The following LRRC8B variants were observed in gnomAD, a reference collection of about 807,000 sequenced individuals.
LRRC8B encodes the protein volume-regulated anion channel subunit LRRC8B.
Under a neutral mutation model 58.8 loss-of-function variants are expected in LRRC8B, and 23 were observed. The ratio of observed to expected loss-of-function variants is 0.39; its 90% confidence interval spans 0.28 to 0.55. The LOEUF is 0.55. LRRC8B is among the 20% of genes least tolerant of loss of function. The pLI, the probability that LRRC8B is intolerant of heterozygous loss-of-function variation, is 0.62. For missense variants in LRRC8B, 694 were observed against 936.0 expected (o/e 0.74, Z 3.37); for synonymous variants, 359 against 374.1 (o/e 0.96, Z 0.47).
At chr1:89,538,276 A>G in intron 1 of LRRC8B, among the ~76,000 whole-genome samples, 1 of 152,240 alleles carries the variant, frequency 6.6e-6, no homozygotes, top group Non-Finnish European at 1.5e-5. Context: ...AGAGAAAAAA[A>G]GCAAAATAAG....
chr1:89,557,358 T>C (rs1652272049), intron 1 of LRRC8B, among the ~76,000 whole-genome samples: 1 of 152,176 alleles, frequency 6.6e-6, no homozygotes, highest in East Asian at 1.9e-4. Context: ...AAAGATACCA[T>C]CCCAAGGCCA....
chr1:89,583,217 G>T lies in LRRC8B; in HGVS notation c.567G>T (p.Leu189Phe). The change falls in exon 5 of 6, where the codon TTG becomes TTT. Residue 189 changes from leucine (L) to phenylalanine (F), a missense_variant. Physicochemically the swap from Leu to Phe is conservative, Grantham distance 22. Transcript: ENST00000330947. This position sits in a 1 kb window ranked among gnomAD's most constrained non-coding sequence, Gnocchi z 5.2. ...RPLKLSKSKI[L>F]LSSSGCSADI... ...TGAAACTCTCCAAGTCCAAGATTTT[G>T]CTTTCGTCCTCAGGGTGTTCAGCTG... 6.2e-7 allele frequency: 1 copy of T among 1,614,142 alleles called. No homozygotes were observed. The highest frequency in any genetic ancestry group is 1.3e-5 in the African/African-American group (1 of 75,026).
At chr1:89,581,898 G>T (rs1654251889) in intron 4 of LRRC8B, among the ~76,000 whole-genome samples, 1 of 152,164 alleles carries the variant, frequency 6.6e-6, no homozygotes, top group African/African-American at 2.4e-5. Context: ...AGGAGATAAT[G>T]CATTCAGTGA....
intron 3 of LRRC8B, chr1:89,572,691 G>T (rs1423027937): frequency 6.6e-6 from 1 of 152,148 alleles, no homozygotes. Flanking sequence ...TGTGGTGTTG[G>T]GGGGTGGTCA....
intron 5 of LRRC8B, 88 bp from the exon 6 acceptor site, chr1:89,592,683 G>GTTT (rs34096201): frequency 1.6e-3 from 1,478 of 937,030 alleles, no homozygotes; most frequent in South Asian, 3.3e-3. Context: ...GAAATGTTTT[G>GTTT]TTTTTTTTTT....
In LRRC8B at chr1:89,541,891, C is replaced by T. The variant is rs931978858; in HGVS notation, c.-241+16869C>T. 4.6e-5 allele frequency among the ~76,000 whole-genome samples: 7 copies of T among 152,174 alleles called. 1 individual carries two copies. Among genetic ancestry groups the T allele is most frequent in the African/African-American group, 4.8e-5 (2 of 41,510 alleles). ...AGCCACCTTCACACATTCTTCAGAA[C>T]AGAAAGCATTGACTATACCAAGAAT... is the stretch of plus-strand genomic sequence containing the variant. On this transcript the variant is annotated intron_variant, in intron 1 of 5. Transcript: ENST00000330947.
chr1:89,588,988 T>G (rs1005962051), intron 5 of LRRC8B, among the ~76,000 whole-genome samples: 1 of 152,218 alleles, frequency 6.6e-6, no homozygotes, highest in African/African-American at 2.4e-5. Flanking sequence ...TACAAATAGA[T>G]TCCATCATTT....
chr1:89,571,361 T>C (rs528238260), intron 3 of LRRC8B, among the ~76,000 whole-genome samples: 1 of 152,332 alleles, frequency 6.6e-6, no homozygotes, highest in East Asian at 1.9e-4. Flanking sequence ...ATGGAATGTT[T>C]TTCCATTTCT....
chr1:89,570,928 T>C lies in LRRC8B; in HGVS notation c.-125+2435T>C, dbSNP rs1653428036. ...GAAGGGGTCCAGTTTTAATCTTCTG[T>C]ATATGGCTAGCCAGTTATCCGAGCA... On this transcript the variant is annotated intron_variant, in intron 3 of 5. Transcript: ENST00000330947. Among the ~76,000 whole-genome samples, 6 of 152,266 alleles carry C rather than the reference T, an allele frequency of 3.9e-5. No individual in the cohort carries two copies. In the South Asian group the frequency reaches 1.2e-3, roughly 32 times the overall value.
chr1:89,589,688 A>T (rs1401052842), intron 5 of LRRC8B, among the ~76,000 whole-genome samples: 1 of 151,930 alleles, frequency 6.6e-6, no homozygotes, highest in African/African-American at 2.4e-5. Flanking sequence ...TAGAAACAGA[A>T]ATATTCAGCT....
At position 89,584,019 on chromosome 1, in the gene LRRC8B, T is replaced by C. The variant is rs770467791; in HGVS notation, c.1369T>C (p.Ser457Pro). The change falls in exon 5 of 6, where the codon TCT becomes CCT. Residue 457 changes from serine to proline, a missense_variant. Coordinates refer to ENST00000330947, the MANE Select transcript of LRRC8B (RefSeq NM_001369817.2). ...LELIPEVKLP[S>P]AVSQLVNLKE... The stretch of plus-strand genomic sequence containing the variant: ...GCTTATCCCAGAGGTGAAGCTGCCC[T>C]CTGCAGTCTCACAGCTGGTCAACCT... 6.2e-7 allele frequency: 1 copy of C among 1,614,192 alleles called. No homozygotes were observed. The highest frequency in any genetic ancestry group is 1.7e-5 in the Admixed American group (1 of 60,020).
At chr1:89,570,489 A>G (rs1310710635) in intron 3 of LRRC8B, among the ~76,000 whole-genome samples, 2 of 151,824 alleles carry the variant, frequency 1.3e-5, no homozygotes, top group Admixed American at 6.6e-5. Context: ...TCATTTTTTC[A>G]TATGCTTCTT....
At chr1:89,560,607 A>T (rs1215442) in intron 1 of LRRC8B, among the ~76,000 whole-genome samples, 2 of 144,042 alleles carry the variant, frequency 1.4e-5, no homozygotes, top group African/African-American at 5.2e-5. Context: ...TCATTGTTCA[A>T]TTCCCACCTA....
At chr1:89,530,979 C>T (rs768453908) in intron 1 of LRRC8B, among the ~76,000 whole-genome samples, 3 of 152,116 alleles carry the variant, frequency 2.0e-5, no homozygotes, top group Non-Finnish European at 2.9e-5. Context: ...GCATCTTCCA[C>T]GTATTGTGGT....
At chr1:89,545,113 G>C (rs958216263) in intron 1 of LRRC8B, among the ~76,000 whole-genome samples, 39 of 152,148 alleles carry the variant, frequency 2.6e-4, no homozygotes, top group African/African-American at 8.9e-4. Context: ...ATTCCTCCCA[G>C]GGTGAGTTTT....
chr1:89,571,514 A>G (rs933535273), intron 3 of LRRC8B, among the ~76,000 whole-genome samples: 1 of 152,146 alleles, frequency 6.6e-6, no homozygotes, highest in African/African-American at 2.4e-5. Flanking sequence ...TTGTTGGTGT[A>G]TAGGAATGCT....
At chr1:89,575,375 A>G (rs554005740) in intron 3 of LRRC8B, among the ~76,000 whole-genome samples, 1 of 152,228 alleles carries the variant, frequency 6.6e-6, no homozygotes, top group African/African-American at 2.4e-5. Context: ...ATGTGAGGAC[A>G]CTCGAAGAGC....
At chr1:89,548,540 A>G (rs1464300630) in intron 1 of LRRC8B, among the ~76,000 whole-genome samples, 1 of 152,200 alleles carries the variant, frequency 6.6e-6, no homozygotes, top group African/African-American at 2.4e-5. Flanking sequence ...TGGTCTGTGT[A>G]GAAATACAGG....
rs908539338 is a variant in LRRC8B at position 89,553,691 on chromosome 1, G to A, written c.-240-14556G>A. 3.9e-4 allele frequency among the ~76,000 whole-genome samples: 60 copies of A among 152,128 alleles called. 1 individual carries two copies. The highest frequency in any genetic ancestry group is 4.8e-5 in the African/African-American group (2 of 41,440). The stretch of plus-strand genomic sequence containing the variant: ...CTAATTACTTTGTCCATTTGCATCA[G>A]TTTACTGGCTAAATCTGAAAGTTTA... On this transcript the variant is annotated intron_variant, in intron 1 of 5. Transcript: ENST00000330947.
Sources: allele counts gnomAD v4.1 joint callset (sites outside exome capture counted in the v4.1 genomes callset), GRCh38; gene constraint gnomAD v4.1.1; non-coding constraint Gnocchi (gnomAD v3.1); transcripts MANE v1.5; gene names NCBI Gene and HGNC (gene_info 2026-07-23, HGNC 2026-07-21).